Variants in PCDHA5 observed in about 807,000 individuals in gnomAD.
PCDHA5 encodes the protein protocadherin alpha-5.
PCDHA5 carries 43 observed loss-of-function variants against 61.6 expected under a neutral mutation model. The observed-to-expected ratio is 0.70, with a 90% CI of 0.55 to 0.90. PCDHA5 has a LOEUF of 0.90. Among genes scored for constraint, PCDHA5 ranks in the 40% least tolerant of loss-of-function variants. The pLI is 0.00. For missense variants in PCDHA5, 1,298 were observed against 1,222.7 expected (o/e 1.06, Z -0.92); for synonymous variants, 627 against 543.9 (o/e 1.15, Z -2.13).
intron 1 of PCDHA5, among the ~76,000 whole-genome samples, chr5:140,959,126 G>A (rs1417334893): frequency 6.6e-6 from 1 of 152,066 alleles, no homozygotes; most frequent in Non-Finnish European, 1.5e-5. Context: ...GGCGAGGTGA[G>A]CCCACTTTGG....
At chr5:140,856,907 A>G (rs2044265676) in intron 1 of PCDHA5, 3 of 1,596,440 alleles carry the variant, frequency 1.9e-6, no homozygotes, top group African/African-American at 2.7e-5. Context: ...GGTCCCACCC[A>G]CGATAAGAAG....
intron 1 of PCDHA5, chr5:140,863,201 C>A: frequency 1.1e-6 from 1 of 925,678 alleles, no homozygotes; most frequent in Admixed American, 1.8e-5. Context: ...GCGTCGCTGG[C>A]GGAGAGCAGC....
At chr5:140,854,020 G>A (rs1303462522) in intron 1 of PCDHA5, 3 of 327,902 alleles carry the variant, frequency 9.1e-6, no homozygotes, top group East Asian at 1.7e-4. Context: ...AAATTAGCCG[G>A]GCATGGTGGC....
rs1554202548 is a variant in PCDHA5, at chr5:140,925,108, G to GGAA, written c.2353-53840_2353-53839insAAG. 5.0e-3 allele frequency among the ~76,000 whole-genome samples: 619 copies of GGAA among 124,770 alleles called. 3 individuals are homozygous for GGAA. Among genetic ancestry groups the GGAA allele is most frequent in the African/African-American group, 0.02 (595 of 30,200 alleles). The allele number at this position is 124,770 out of a possible 152,430, so 81.9% of individuals were successfully genotyped here. ...AAGGAAGGAAGGAAGGAAGGAAGGA[G>GGAA]GGAAGGAAGGAAGGAAAAAAAATTT... is the stretch of plus-strand genomic sequence containing the variant. On this transcript the variant is annotated intron_variant, in intron 1 of 3. Coordinates refer to ENST00000529859, the MANE Select transcript of PCDHA5 (RefSeq NM_018908.3).
At chr5:140,904,270 G>A (rs374052783) in intron 1 of PCDHA5, among the ~76,000 whole-genome samples, 3 of 152,068 alleles carry the variant, frequency 2.0e-5, no homozygotes, top group East Asian at 3.9e-4. Context: ...ACTTATGAAT[G>A]AGAACATGTG....
chr5:140,975,707 A>G (rs1445809800), intron 1 of PCDHA5, among the ~76,000 whole-genome samples: 1 of 152,204 alleles, frequency 6.6e-6, no homozygotes, highest in East Asian at 1.9e-4. Context: ...ATTTTACTTT[A>G]AATCTTAGAA....
intron 1 of PCDHA5, among the ~76,000 whole-genome samples, chr5:140,976,553 A>G (rs1554237789): frequency 1.3e-5 from 2 of 152,074 alleles, no homozygotes; most frequent in Non-Finnish European, 2.9e-5. Context: ...CCTATCTCAT[A>G]AATAAATAAA....
chr5:140,869,663 A>G (rs782419090), intron 1 of PCDHA5: 5 of 1,613,538 alleles, frequency 3.1e-6, no homozygotes, highest in Non-Finnish European at 4.2e-6. Flanking sequence ...ACAAATGGTA[A>G]GCAGATTAAA....
At chr5:140,953,258 T>C (rs1042358653) in intron 1 of PCDHA5, among the ~76,000 whole-genome samples, 22 of 152,304 alleles carry the variant, frequency 1.4e-4, no homozygotes, top group African/African-American at 5.3e-4. Context: ...TTAGTTCTTT[T>C]AGCTTTAGCC....
intron 1 of PCDHA5, among the ~76,000 whole-genome samples, chr5:140,911,064 T>C (rs2153516956): frequency 6.6e-6 from 1 of 152,226 alleles, no homozygotes; most frequent in African/African-American, 2.4e-5. Flanking sequence ...GGGTGGGTCC[T>C]GAGGAGAATC....
chr5:140,881,680 T>G (rs1391876461), intron 1 of PCDHA5, among the ~76,000 whole-genome samples: 1 of 152,268 alleles, frequency 6.6e-6, no homozygotes. Flanking sequence ...GTGATTGTTA[T>G]GTTTCCTTTT....
In PCDHA5 at chr5:140,822,597, G is replaced by A. The variant is rs1554128735; in HGVS notation, c.822G>A (p.Lys274=). 2 of 1,609,136 alleles carry A rather than the reference G, an allele frequency of 1.2e-6. No individual in the cohort carries two copies. Among genetic ancestry groups the A allele is most frequent in the Non-Finnish European group, 1.7e-6 (2 of 1,175,892 alleles). Residue 274 remains lysine (K), a synonymous_variant, in exon 1 of 4, where the codon AAG becomes AAA. Coordinates refer to ENST00000529859, the MANE Select transcript of PCDHA5 (RefSeq NM_018908.3). ...CAGATGCAGATGAGGGCATCAATAA[G>A]GAAATAGTGTATTTCTTTAGTAATC... The part of the protein sequence containing the change: ...NASDADEGIN[K]EIVYFFSNLV...
rs1562261754 is a variant in PCDHA5 at position 140,821,955 on chromosome 5, G to A, written c.180G>A (p.Pro60=). ...GGCTGGAGCTGGCGGAGCTGGTGCC[G>A]CGCCTGTTCCGGGTGGCGTCCAAGG... ...DLGLELAELV[P]RLFRVASKGR... is the part of the protein sequence containing the mutation. The change falls in exon 1 of 4, where the codon CCG becomes CCA. Residue 60 remains proline, a synonymous_variant. Coordinates refer to ENST00000529859, the MANE Select transcript of PCDHA5 (RefSeq NM_018908.3). 1.2e-6 allele frequency: 2 copies of A among 1,614,196 alleles called. No individual in the cohort carries two copies. Among genetic ancestry groups the A allele is most frequent in the East Asian group, 2.2e-5 (1 of 44,886 alleles).
intron 3 of PCDHA5, among the ~76,000 whole-genome samples, chr5:140,986,569 T>C (rs1006962446): frequency 7.2e-5 from 11 of 152,296 alleles, no homozygotes; most frequent in East Asian, 3.9e-4. Context: ...TTATCTGTTA[T>C]TGGTTTTTCC....
intron 1 of PCDHA5, among the ~76,000 whole-genome samples, chr5:140,879,496 C>T (rs186624809): frequency 6.6e-6 from 1 of 152,204 alleles, no homozygotes; most frequent in Admixed American, 6.5e-5. Context: ...GGGTCTGGAT[C>T]TCAGAAGAGA....
At chr5:140,843,104 C>T in intron 1 of PCDHA5, 1 of 1,595,712 alleles carries the variant, frequency 6.3e-7, no homozygotes, top group African/African-American at 1.3e-5. Context: ...AGCGAAGGTG[C>T]GCGCAGTGGA....
rs1554214039 is a variant in PCDHA5 at position 140,941,214 on chromosome 5, C to CTTTCTTTCTTTCTTTCTTTCTTTCTTT, written c.2353-37735_2353-37734insTTTCTTTCTTTCTTTCTTTCTTTCTTT. ...TTTTTTCTTTCTTCCTTTCTTTCTTCCTTTCTTTCTTTCTTTCTTTCTTTC... is the reference window on the plus strand; with the variant it reads ...TTTTTTCTTTCTTCCTTTCTTTCTTCTTTCTTTCTTTCTTTCTTTCTTTCTTTCTTTCTTTCTTTCTTTCTTTCTTTC... On this transcript the variant is annotated intron_variant, in intron 1 of 3. Coordinates refer to ENST00000529859, the MANE Select transcript of PCDHA5 (RefSeq NM_018908.3). Among the ~76,000 whole-genome samples the CTTTCTTTCTTTCTTTCTTTCTTTCTTT allele has an allele frequency of 4.7e-4, 57 of 122,484 alleles. 1 individual carries two copies. The highest frequency in any genetic ancestry group is 1.6e-3 in the East Asian group (7 of 4,322). The allele number at this position is 122,484 out of a possible 152,430, so 80.4% of individuals were successfully genotyped here.
chr5:140,968,734 C>T, intron 1 of PCDHA5: 1 of 1,614,162 alleles, frequency 6.2e-7, no homozygotes, highest in Non-Finnish European at 8.5e-7. Flanking sequence ...GTAGCACTTT[C>T]AACCTGACCG....
chr5:140,834,540 G>C, intron 1 of PCDHA5: 1 of 1,614,082 alleles, frequency 6.2e-7, no homozygotes, highest in Non-Finnish European at 8.5e-7. Context: ...GCAGGACCTG[G>C]GGCTGGAGCT....
Sources: gnomAD v4.1 joint callset for allele counts (sites outside exome capture counted in the v4.1 genomes callset) on GRCh38, gnomAD v4.1.1 for gene constraint, MANE v1.5 for transcripts, NCBI Gene and HGNC (gene_info 2026-07-23, HGNC 2026-07-21) for gene names.